The following DIAPH3 variants were observed in gnomAD, a reference collection of about 807,000 sequenced individuals.
DIAPH3 encodes diaphanous related formin 3.
DIAPH3 carries 117 observed loss-of-function variants against 144.3 expected under a neutral mutation model. The observed-to-expected ratio is 0.81, with a 90% CI of 0.70 to 0.95. The LOEUF (loss-of-function observed/expected upper bound fraction) is 0.95. Ranked by LOEUF, DIAPH3 falls within the 40% of genes least tolerant of loss-of-function variation. DIAPH3 has a pLI of 0.00. For synonymous variants in DIAPH3, 519 were observed against 488.9 expected, an observed-to-expected ratio of 1.06 and a Z score of -0.81; for missense variants, 1,421 against 1,412.7, an observed-to-expected ratio of 1.01 and a Z score of -0.09.
At chr13:59,892,673 A>G (rs1339352729) in intron 20 of DIAPH3, among the ~76,000 whole-genome samples, 1 of 152,052 alleles carries the variant, frequency 6.6e-6, no homozygotes, top group East Asian at 1.9e-4. Flanking sequence ...AAAAAAGATA[A>G]CACAGACTCA....
chr13:59,993,886 A>C (rs1402840012), intron 9 of DIAPH3, among the ~76,000 whole-genome samples: 2 of 151,780 alleles, frequency 1.3e-5, no homozygotes, highest in Non-Finnish European at 2.9e-5. Context: ...GATCTCAAAG[A>C]GCAAATAATG....
At chr13:59,825,882 C>A (rs1566370507) in intron 24 of DIAPH3, among the ~76,000 whole-genome samples, 1 of 151,960 alleles carries the variant, frequency 6.6e-6, no homozygotes, top group Non-Finnish European at 1.5e-5. Context: ...TCAATATATG[C>A]AAATCAATAA....
At chr13:59,792,587 C>A (rs1366972636) in intron 25 of DIAPH3, among the ~76,000 whole-genome samples, 3 of 152,218 alleles carry the variant, frequency 2.0e-5, no homozygotes, top group Admixed American at 2.0e-4. Flanking sequence ...CTACCCAGAG[C>A]TGTTTTACTT....
chr13:59,966,423 A>G (rs1435919529), intron 17 of DIAPH3, among the ~76,000 whole-genome samples: 3 of 152,082 alleles, frequency 2.0e-5, no homozygotes, highest in African/African-American at 7.2e-5. Context: ...ACCAGGAGAA[A>G]AGATCTCAGC....
At chr13:59,841,819 T>G (rs1233018945) in intron 22 of DIAPH3, among the ~76,000 whole-genome samples, 1 of 152,146 alleles carries the variant, frequency 6.6e-6, no homozygotes, top group Admixed American at 6.6e-5. Context: ...ATTAATTAAC[T>G]CATGCAATCC....
At chr13:60,162,083 T>G (rs1952319490) in intron 1 of DIAPH3, among the ~76,000 whole-genome samples, 1 of 152,226 alleles carries the variant, frequency 6.6e-6, no homozygotes, top group Non-Finnish European at 1.5e-5. Flanking sequence ...GTTTTTTACC[T>G]TTACAGCTTA....
At chr13:59,796,759 A>G (rs115877614) in intron 25 of DIAPH3, among the ~76,000 whole-genome samples, 2 of 152,232 alleles carry the variant, frequency 1.3e-5, no homozygotes, top group South Asian at 4.1e-4. Flanking sequence ...ACCATACTGT[A>G]TAAGAAGAGA....
intron 18 of DIAPH3, among the ~76,000 whole-genome samples, chr13:59,916,821 T>A (rs1333440368): frequency 6.6e-6 from 1 of 152,178 alleles, no homozygotes; most frequent in East Asian, 1.9e-4. Context: ...GCTTAAAATA[T>A]CCAGTTTTAG....
intron 3 of DIAPH3, among the ~76,000 whole-genome samples, chr13:60,099,974 A>AGG (rs1384612583): frequency 4.0e-5 from 6 of 150,410 alleles, no homozygotes; most frequent in East Asian, 2.0e-4. Flanking sequence ...GAAGGAAGGA[A>AGG]AGTCAAAAGG....
At chr13:60,093,754 C>A (rs746740052) in intron 3 of DIAPH3, 22 bp from the exon 4 acceptor site, 6 of 1,498,296 alleles carry the variant, frequency 4.0e-6, no homozygotes, top group Non-Finnish European at 5.6e-6. Context: ...AATTAAAATG[C>A]CTCATTTTAG....
At position 59,774,253 on chromosome 13, in the gene DIAPH3, TA is replaced by T. The variant is rs535758021; in HGVS notation, c.3260-6del. On this transcript the variant is annotated splice_region_variant and splice_polypyrimidine_tract_variant and intron_variant, in intron 26 of 27. Transcript: ENST00000400324. The stretch of plus-strand genomic sequence containing the variant: ...GACTGAGACTCTGCCGAACATCTGT[TA>T]AAAAAAAAAATAAAATAAACTTAAT... 18,664 of 1,211,848 alleles carry T rather than the reference TA, an allele frequency of 0.015. 8 individuals are homozygous for T. Among genetic ancestry groups the T allele is most frequent in the Non-Finnish European group, 0.017 (14,869 of 886,668 alleles). The allele number at this position is 1,211,848 out of a possible 1,614,324, so 75.1% of individuals were successfully genotyped here.
chr13:59,772,080 C>T (rs181546721), intron 27 of DIAPH3, among the ~76,000 whole-genome samples: 13 of 152,068 alleles, frequency 8.5e-5, no homozygotes, highest in Middle Eastern at 3.5e-3. Context: ...TAAGTTCAAT[C>T]TTACATTTCA....
rs60906914 is a variant in DIAPH3 at position 59,844,105 on chromosome 13, T to TA, written c.2738-4658dup. Among the ~76,000 whole-genome samples, 1,062 of 144,878 alleles carry TA rather than the reference T, an allele frequency of 7.3e-3. 13 individuals are homozygous for TA. Among genetic ancestry groups the TA allele is most frequent in the African/African-American group, 0.024 (959 of 39,280 alleles). ...CATCCTACACATATATCCCAGAACT[T>TA]AAAAAAAAAAAAAAAGAATTCCCTT... On this transcript the variant is annotated intron_variant, in intron 22 of 27. Transcript: ENST00000400324.
intron 20 of DIAPH3, among the ~76,000 whole-genome samples, chr13:59,882,106 T>C (rs1033556561): frequency 1.3e-5 from 2 of 152,176 alleles, no homozygotes; most frequent in African/African-American, 2.4e-5. Context: ...TTTCTTTTTT[T>C]GAGGCAGAGT....
intron 4 of DIAPH3, among the ~76,000 whole-genome samples, chr13:60,071,992 G>A (rs867576582): frequency 3.8e-4 from 57 of 151,928 alleles, no homozygotes; most frequent in African/African-American, 1.4e-3. Context: ...ATCCCTCACT[G>A]CTAATCACCA....
chr13:59,818,306 G>T (rs958432958), intron 24 of DIAPH3, among the ~76,000 whole-genome samples: 2 of 151,914 alleles, frequency 1.3e-5, no homozygotes, highest in Non-Finnish European at 2.9e-5. Flanking sequence ...TCTACAAATA[G>T]TAGATAATTC....
At chr13:59,921,613 T>A (rs1164828085) in intron 18 of DIAPH3, among the ~76,000 whole-genome samples, 1 of 151,904 alleles carries the variant, frequency 6.6e-6, no homozygotes, top group Non-Finnish European at 1.5e-5. Flanking sequence ...AAAGAAAAGC[T>A]GAGGATCTAA....
intron 4 of DIAPH3, among the ~76,000 whole-genome samples, chr13:60,071,990 C>G (rs1566738216): frequency 6.6e-6 from 1 of 152,146 alleles, no homozygotes; most frequent in Non-Finnish European, 1.5e-5. Context: ...TCATCCCTCA[C>G]TGCTAATCAC....
intron 1 of DIAPH3, among the ~76,000 whole-genome samples, chr13:60,142,817 G>A (rs942628524): frequency 1.3e-5 from 2 of 151,990 alleles, no homozygotes; most frequent in African/African-American, 4.8e-5. Context: ...GAATGCAATG[G>A]AGGGATCATA....
Sources: gnomAD v4.1 joint callset for allele counts (sites outside exome capture counted in the v4.1 genomes callset) on GRCh38, gnomAD v4.1.1 for gene constraint, MANE v1.5 for transcripts, NCBI Gene and HGNC (gene_info 2026-07-23, HGNC 2026-07-21) for gene names.